The following HSBP1 variants were observed in gnomAD, a reference collection of about 807,000 sequenced individuals.
The protein encoded by HSBP1 is heat shock factor binding protein 1.
A neutral mutation model predicts 9.6 loss-of-function variants in HSBP1; 5 were observed. The observed-to-expected ratio is 0.52, with a 90% CI of 0.27 to 1.09. HSBP1 has a LOEUF of 1.09. Ranked by LOEUF, HSBP1 falls within the 50% of genes least tolerant of loss-of-function variation. The pLI, the probability that HSBP1 is intolerant of heterozygous loss-of-function variation, is 0.11. For synonymous variants in HSBP1, 42 were observed against 33.3 expected, an observed-to-expected ratio of 1.26 and a Z score of -0.90; for missense variants, 121 against 96.3, an observed-to-expected ratio of 1.26 and a Z score of -1.07.
chr16:83,810,022 A>T (rs1904563770), intron 3 of HSBP1, among the ~76,000 whole-genome samples: 1 of 116,978 alleles, frequency 8.5e-6, no homozygotes. Flanking sequence ...ATAACCACTG[A>T]GTTTTTATCA....
chr16:83,815,471 G>C lies in HSBP1; in HGVS notation c.*4053G>C, dbSNP rs544172109. 4 of 146,916 alleles carry C rather than the reference G, an allele frequency of 2.7e-5. No homozygotes were observed. The East Asian group carries it at 7.9e-4, about 29-fold the overall frequency. The allele number at this position is 146,916 out of a possible 1,614,324, so 9.1% of individuals were successfully genotyped here. A position where few individuals can be genotyped will look rare whatever the true frequency, so the allele number is the denominator to read the frequency against. ...AGGTTGCAGTGAGCTGTGATCGGACGACTCCACTCCAGCCGGGGTGACAGA... is the reference window on the plus strand; with the variant it reads ...AGGTTGCAGTGAGCTGTGATCGGACCACTCCACTCCAGCCGGGGTGACAGA... On this transcript the variant is annotated 3_prime_UTR_variant, in exon 4 of 4. Transcript: ENST00000433866.
chr16:83,808,881 G>A, intron 2 of HSBP1, 135 bp downstream of exon 2: 1 of 694,704 alleles, frequency 1.4e-6, no homozygotes, highest in East Asian at 2.7e-5. Flanking sequence ...ATTGTACTGT[G>A]TTTCTGAGAA....
In HSBP1 at chr16:83,814,096, G is replaced by C. The variant is rs1169953426; in HGVS notation, c.*2678G>C. 1 of 152,196 alleles carries C rather than the reference G, an allele frequency of 6.6e-6. No individual in the cohort carries two copies. Among genetic ancestry groups the C allele is most frequent in the Non-Finnish European group, 1.5e-5 (1 of 68,046 alleles). The allele number at this position is 152,196 out of a possible 1,614,324, so 9.4% of individuals were successfully genotyped here. A position where few individuals can be genotyped will look rare whatever the true frequency, so the allele number is the denominator to read the frequency against. ...TTGTAAATGGAAGCCTTCCCAAGCA[G>C]ACACTGTGTTCCTCTTTTATTTTGT... On this transcript the variant is annotated 3_prime_UTR_variant, in exon 4 of 4. Transcript: ENST00000433866.
At position 83,808,138 on chromosome 16, in the gene HSBP1, A is replaced by C. The variant is rs1461214366; in HGVS notation, c.45+17A>C. The stretch of plus-strand genomic sequence containing the variant: ...ACCTCGGTGGTAAGGGACGGCTGTG[A>C]GGGCCGGAGGCCGCGGCCTTCCCGG... On this transcript the variant is annotated intron_variant, in intron 1 of 3. Coordinates refer to ENST00000433866, the MANE Select transcript of HSBP1 (RefSeq NM_001537.4). 2 of 1,542,412 alleles carry C rather than the reference A, an allele frequency of 1.3e-6. No homozygotes were observed. The highest frequency in any genetic ancestry group is 5.0e-5 in the East Asian group (2 of 39,612).
rs1419329590 is a variant in HSBP1, at chr16:83,814,068, TG to T, written c.*2651del. 4 of 152,216 alleles carry T rather than the reference TG, an allele frequency of 2.6e-5. No homozygotes were observed. The allele number at this position is 152,216 out of a possible 1,614,324, so 9.4% of individuals were successfully genotyped here. On this transcript the variant is annotated 3_prime_UTR_variant, in exon 4 of 4. Coordinates refer to ENST00000433866, the MANE Select transcript of HSBP1 (RefSeq NM_001537.4). ...ACAAAAGTGAACTTTTTCAACATGC[TG>T]TTTGTAAATGGAAGCCTTCCCAAGC...
At chr16:83,808,465 C>A (rs918082323) in intron 1 of HSBP1, 5 of 582,690 alleles carry the variant, frequency 8.6e-6, no homozygotes, top group African/African-American at 5.6e-5. Context: ...CCTAAAGACC[C>A]TGAGCTTTGA....
rs753235943 is a variant in HSBP1 at position 83,808,760 on chromosome 16, C to G, written c.112+14C>G. On this transcript the variant is annotated intron_variant, in intron 2 of 3. Transcript: ENST00000433866. ...TCATTGGGAGAAATATCCTTTTTAT[C>G]TGCAGTCGGCCTCCTGTGGGCCTTT... 9 of 1,599,820 alleles carry G rather than the reference C, an allele frequency of 5.6e-6. No homozygotes were observed. Among genetic ancestry groups the G allele is most frequent in the Non-Finnish European group, 7.7e-6 (9 of 1,169,756 alleles).
In HSBP1 at chr16:83,809,402, A is replaced by G. The variant is rs1391814369; in HGVS notation, c.210A>G (p.Ile70Met). ...AAGAACTGGAAAGTGAAAACAAGAT[A>G]CCTGCCACGCAAAAGAGTTGAAGGT... ...GVEELESENK[I>M]PATQKS The change falls in exon 3 of 4, where the codon ATA (isoleucine) becomes ATG (methionine). Residue 70 changes from isoleucine to methionine, a missense_variant. Coordinates refer to ENST00000433866, the MANE Select transcript of HSBP1 (RefSeq NM_001537.4). The G allele has an allele frequency of 4.4e-6, 7 of 1,592,398 alleles. No homozygotes were observed. In the East Asian group the frequency reaches 9.1e-5, roughly 21 times the overall value.
In HSBP1 at chr16:83,818,851, C is replaced by CATGGATTCAAAAA. The variant is rs1308212969; in HGVS notation, c.*7435_*7436insGGATTCAAAAAAT. The stretch of plus-strand genomic sequence containing the variant: ...TTTTTTGCCTCGGATTTCAACAAAA[C>CATGGATTCAAAAA]ATACATGGAAAGAATATTTTCTTCC... On this transcript the variant is annotated 3_prime_UTR_variant, in exon 4 of 4. Transcript: ENST00000433866. 6.6e-6 allele frequency: 1 copy of CATGGATTCAAAAA among 152,174 alleles called. No individual in the cohort carries two copies. Among genetic ancestry groups the CATGGATTCAAAAA allele is most frequent in the African/African-American group, 2.4e-5 (1 of 41,446 alleles). 9.4% of individuals were successfully genotyped at this position (152,174 alleles called of 1,614,324 possible).
chr16:83,811,325 G>T (rs1291224638), intron 3 of HSBP1, 96 bp from the exon 4 acceptor site: 1 of 152,222 alleles, frequency 6.6e-6, no homozygotes, highest in Non-Finnish European at 1.5e-5. Context: ...CTCAGTAGGA[G>T]AGTGGAAAGG....
Position 83,817,214 on chromosome 16 carries a change from A to G in HSBP1, c.*5796A>G, listed in dbSNP as rs1211307348. The G allele has an allele frequency of 6.6e-6, 1 of 152,254 alleles. No homozygotes were observed. The highest frequency in any genetic ancestry group is 2.4e-5 in the African/African-American group (1 of 41,464). The allele number at this position is 152,254 out of a possible 1,614,324, so 9.4% of individuals were successfully genotyped here. A position where few individuals can be genotyped will look rare whatever the true frequency, so the allele number is the denominator to read the frequency against. On this transcript the variant is annotated 3_prime_UTR_variant, in exon 4 of 4. Coordinates refer to ENST00000433866, the MANE Select transcript of HSBP1 (RefSeq NM_001537.4). ...CCGATGATGTAATTCACCAAGTTCC[A>G]TGGGATTCCGCCACGCCCGTGTCAA... is the stretch of plus-strand genomic sequence containing the variant.
At position 83,816,463 on chromosome 16, in the gene HSBP1, T is replaced by A. The variant is rs1470250637; in HGVS notation, c.*5045T>A. 2 of 152,222 alleles carry A rather than the reference T, an allele frequency of 1.3e-5. No individual in the cohort carries two copies. The highest frequency in any genetic ancestry group is 2.9e-5 in the Non-Finnish European group (2 of 68,036). The allele number at this position is 152,222 out of a possible 1,614,324, so 9.4% of individuals were successfully genotyped here. A position where few individuals can be genotyped will look rare whatever the true frequency, so the allele number is the denominator to read the frequency against. ...GACCCAACCCCAGATTTGTTCCACC[T>A]GGGTGCATCCGGTCAGAGAATGCCT... On this transcript the variant is annotated 3_prime_UTR_variant, in exon 4 of 4. Transcript: ENST00000433866.
At chr16:83,808,805 G>C (rs1904526396) in intron 2 of HSBP1, 59 bp downstream of exon 2, 2 of 1,271,356 alleles carry the variant, frequency 1.6e-6, no homozygotes, top group Non-Finnish European at 2.3e-6. Flanking sequence ...TTGCCGGGCA[G>C]TGGTGGGGAT....
chr16:83,819,445 G>A lies in HSBP1; in HGVS notation c.*8027G>A, dbSNP rs1386489421. 1 of 152,092 alleles carries A rather than the reference G, an allele frequency of 6.6e-6. No individual in the cohort carries two copies. The highest frequency in any genetic ancestry group is 1.5e-5 in the Non-Finnish European group (1 of 68,024). 9.4% of individuals were successfully genotyped at this position (152,092 alleles called of 1,614,324 possible). A position where few individuals can be genotyped will look rare whatever the true frequency, so the allele number is the denominator to read the frequency against. On this transcript the variant is annotated 3_prime_UTR_variant, in exon 4 of 4. Transcript: ENST00000433866. The stretch of plus-strand genomic sequence containing the variant: ...GAACGTCCACGCTCTAGGACCTAGT[G>A]TGACCTCTTCTGCCTTCTGAACCGA...
Position 83,808,045 on chromosome 16 carries a change from G to A in HSBP1, c.-32G>A. 6.5e-7 allele frequency: 1 copy of A among 1,534,850 alleles called. No individual in the cohort carries two copies. Among genetic ancestry groups the A allele is most frequent in the African/African-American group, 1.4e-5 (1 of 71,278 alleles). ...CAAACGGAAGTGTAGGTTACGGTCT[G>A]AGACATCACCGCCAAGCTGGGCATC... On this transcript the variant is annotated 5_prime_UTR_variant, in exon 1 of 4. Transcript: ENST00000433866.
rs1356944637 is a variant in HSBP1, at chr16:83,808,106, G to C, written c.30G>C (p.Gln10His). 4.5e-6 allele frequency: 7 copies of C among 1,547,386 alleles called. No homozygotes were observed. The highest frequency in any genetic ancestry group is 6.1e-6 in the Non-Finnish European group (7 of 1,145,110). ...CCGAGACTGACCCCAAGACCGTGCA[G>C]GACCTCACCTCGGTGGTAAGGGACG... is the stretch of plus-strand genomic sequence containing the variant. The part of the protein sequence containing the change: MAETDPKTV[Q>H]DLTSVVQTLL... Residue 10 changes from glutamine (Q) to histidine (H), a missense_variant, in exon 1 of 4, where the codon CAG (glutamine) becomes CAC (histidine). Coordinates refer to ENST00000433866, the MANE Select transcript of HSBP1 (RefSeq NM_001537.4).
intron 1 of HSBP1, 148 bp from the exon 2 acceptor site, chr16:83,808,532 C>T (rs1904516942): frequency 3.2e-6 from 2 of 619,800 alleles, no homozygotes; most frequent in Non-Finnish European, 5.7e-6. Context: ...AAACGGAAGC[C>T]CAGAGAAGGA....
rs1904797872 is a variant in HSBP1 at position 83,819,693 on chromosome 16, A to G, written c.*8275A>G. On this transcript the variant is annotated 3_prime_UTR_variant, in exon 4 of 4. Coordinates refer to ENST00000433866, the MANE Select transcript of HSBP1 (RefSeq NM_001537.4). ...TAGTAAATATTTTACCAGAAGGATA[A>G]GTTATTCAGTATGGAGATTATTTAT... The G allele has an allele frequency of 6.6e-6, 1 of 152,226 alleles. No homozygotes were observed. 9.4% of individuals were successfully genotyped at this position (152,226 alleles called of 1,614,324 possible).
rs554334457 is a variant in HSBP1 at position 83,818,304 on chromosome 16, T to C, written c.*6886T>C. Reference sequence around the variant, plus strand: ...TTAACAATAATCTGTGACCCAACTTTGTCTTCCCCATGATGAAAAACAGAC... The same window carrying C: ...TTAACAATAATCTGTGACCCAACTTCGTCTTCCCCATGATGAAAAACAGAC... On this transcript the variant is annotated 3_prime_UTR_variant, in exon 4 of 4. Transcript: ENST00000433866. 6.6e-6 allele frequency: 1 copy of C among 152,320 alleles called. No homozygotes were observed. The highest frequency in any genetic ancestry group is 2.4e-5 in the African/African-American group (1 of 41,572). The allele number at this position is 152,320 out of a possible 1,614,324, so 9.4% of individuals were successfully genotyped here. A position where few individuals can be genotyped will look rare whatever the true frequency, so the allele number is the denominator to read the frequency against.
Sources: allele counts gnomAD v4.1 joint callset (sites outside exome capture counted in the v4.1 genomes callset), GRCh38; gene constraint gnomAD v4.1.1; transcripts MANE v1.5; gene names NCBI Gene and HGNC (gene_info 2026-07-23, HGNC 2026-07-21).